The following ASB4 variants were observed in gnomAD, a reference collection of about 807,000 sequenced individuals.
ASB4 encodes ankyrin repeat and SOCS box containing 4, also known as ankyrin repeat and SOCS box protein 4.
Under a neutral mutation model 38.6 loss-of-function variants are expected in ASB4, and 35 were observed. That is an observed-to-expected ratio of 0.91 (90% CI 0.69 to 1.20). The LOEUF is 1.20. ASB4 is among the 50% of genes most tolerant of loss of function. The pLI, the probability that ASB4 is intolerant of heterozygous loss-of-function variation, is 0.00. For missense variants in ASB4, 557 were observed against 527.2 expected, an observed-to-expected ratio of 1.06 and a Z score of -0.55; for synonymous variants, 195 against 201.3, an observed-to-expected ratio of 0.97 and a Z score of 0.26.
chr7:95,486,241 T>C, intron 1 of ASB4, 83 bp downstream of exon 1: 1 of 1,040,214 alleles, frequency 9.6e-7, no homozygotes. Context: ...CTCTAAACAG[T>C]AGTTTTTATT....
At position 95,528,149 on chromosome 7, in the gene ASB4, G is replaced by A. The variant is rs1416388193; in HGVS notation, c.824G>A (p.Gly275Asp). The change falls in exon 3 of 5, where the codon GGC (glycine) becomes GAC (aspartate). Residue 275 changes from glycine to aspartate, a missense_variant. Transcript: ENST00000325885. ...HVLMHMMLEA[G>D]AEANLMDING... is the part of the protein sequence containing the mutation. ...CTCATGCACATGATGCTGGAAGCTG[G>A]CGCCGAAGCCAATCTCATGGATATC... The A allele has an allele frequency of 6.2e-7, 1 of 1,614,082 alleles. No individual in the cohort carries two copies. Among genetic ancestry groups the A allele is most frequent in the Admixed American group, 1.7e-5 (1 of 60,002 alleles).
intron 2 of ASB4, among the ~76,000 whole-genome samples, chr7:95,502,335 C>A (rs1585802177): frequency 6.6e-6 from 1 of 150,420 alleles, no homozygotes; most frequent in Non-Finnish European, 1.5e-5. Context: ...ATATGACAAA[C>A]ACATAGGGAA....
chr7:95,499,188 A>G (rs1790295182), intron 2 of ASB4, among the ~76,000 whole-genome samples: 1 of 152,158 alleles, frequency 6.6e-6, no homozygotes, highest in South Asian at 2.1e-4. Flanking sequence ...TTCAGAACAG[A>G]GCCCTGGACT....
chr7:95,531,341 A>G (rs1013017352), intron 3 of ASB4, among the ~76,000 whole-genome samples: 3 of 152,202 alleles, frequency 2.0e-5, no homozygotes, highest in African/African-American at 7.2e-5. Context: ...CCTCTGTAAT[A>G]CAGCTCACTT....
Position 95,538,719 on chromosome 7 carries a change from C to A in ASB4, c.*960C>A, listed in dbSNP as rs1188102246. ...TTCTTGGTTAGTATTAATACTTTCC[C>A]AGACTCCTTGAGAAAAATATTGCAC... On this transcript the variant is annotated 3_prime_UTR_variant, in exon 5 of 5. Transcript: ENST00000325885. The A allele has an allele frequency of 6.6e-6, 1 of 151,974 alleles. No homozygotes were observed. Among genetic ancestry groups the A allele is most frequent in the Admixed American group, 6.6e-5 (1 of 15,252 alleles). The allele number at this position is 151,974 out of a possible 1,614,324, so 9.4% of individuals were successfully genotyped here. A position where few individuals can be genotyped will look rare whatever the true frequency, so the allele number is the denominator to read the frequency against.
chr7:95,521,699 AC>A (rs1382134390), intron 2 of ASB4, among the ~76,000 whole-genome samples: 18 of 148,262 alleles, frequency 1.2e-4, no homozygotes, highest in African/African-American at 3.2e-4. Context: ...AAAAAAAAAA[AC>A]AGTTCTCTAT....
chr7:95,536,578 T>G, intron 4 of ASB4, 28 bp downstream of exon 4: 3 of 1,522,118 alleles, frequency 2.0e-6, no homozygotes, highest in Non-Finnish European at 2.7e-6. Context: ...TTCTAATAGT[T>G]TTCACTATCA....
At chr7:95,533,097 C>T (rs1199435761) in intron 3 of ASB4, among the ~76,000 whole-genome samples, 1 of 152,176 alleles carries the variant, frequency 6.6e-6, no homozygotes, top group African/African-American at 2.4e-5. Context: ...ACTTAGCTTG[C>T]TCAACCTTGG....
chr7:95,546,212 A>T, the ASB4 span, among the ~76,000 whole-genome samples: 1 of 152,162 alleles, frequency 6.6e-6, no homozygotes, highest in Non-Finnish European at 1.5e-5. Context: ...TAAGTGACTG[A>T]CTTGTAGACC....
At chr7:95,515,300 T>C (rs1320239971) in intron 2 of ASB4, among the ~76,000 whole-genome samples, 2 of 129,216 alleles carry the variant, frequency 1.5e-5, no homozygotes, top group South Asian at 2.7e-4. Flanking sequence ...TTTCTTTCTT[T>C]CTTTCTTTCT....
upstream of ASB4, among the ~76,000 whole-genome samples, chr7:95,475,842 C>G (rs769547361): frequency 6.6e-6 from 1 of 152,098 alleles, no homozygotes; most frequent in Non-Finnish European, 1.5e-5. Context: ...ATCTCTAATC[C>G]TTGCCATGAG....
chr7:95,510,173 T>C (rs570620084), intron 2 of ASB4, among the ~76,000 whole-genome samples: 31 of 152,296 alleles, frequency 2.0e-4, no homozygotes, highest in African/African-American at 7.5e-4. Flanking sequence ...GTGTGTTTAA[T>C]GAAAAGATAT....
chr7:95,499,057 A>G (rs1790293207), intron 2 of ASB4, among the ~76,000 whole-genome samples: 1 of 152,108 alleles, frequency 6.6e-6, no homozygotes, highest in Admixed American at 6.6e-5. Flanking sequence ...ACAGGTTTGT[A>G]TCAAGTCTTG....
upstream of ASB4, among the ~76,000 whole-genome samples, chr7:95,483,394 T>C (rs949887272): frequency 3.3e-5 from 5 of 152,192 alleles, no homozygotes; most frequent in African/African-American, 1.2e-4. Flanking sequence ...TGAAGCTCTC[T>C]TAGAGGGAAA....
intron 2 of ASB4, among the ~76,000 whole-genome samples, chr7:95,515,922 C>G (rs1043319486): frequency 6.6e-6 from 1 of 152,158 alleles, no homozygotes; most frequent in African/African-American, 2.4e-5. Flanking sequence ...TTCTAATAAC[C>G]CAAAGCCCCA....
intron 2 of ASB4, among the ~76,000 whole-genome samples, chr7:95,502,518 T>C (rs1444923678): frequency 1.3e-5 from 2 of 152,160 alleles, no homozygotes; most frequent in African/African-American, 4.8e-5. Flanking sequence ...GTCATTTACT[T>C]AGGGCCTCAA....
rs142799070 is a variant in ASB4, at chr7:95,518,780, A to G, written c.488-9033A>G. On this transcript the variant is annotated intron_variant, in intron 2 of 4. Transcript: ENST00000325885. ...TCATTGCCACACAATTTGACCCAGA[A>G]GGTTTAGAATTGTAAGTGCAAGTGT... 4.7e-4 allele frequency among the ~76,000 whole-genome samples: 72 copies of G among 152,296 alleles called. 1 individual carries two copies. The highest frequency in any genetic ancestry group is 1.7e-3 in the African/African-American group (70 of 41,560).
chr7:95,525,220 T>C (rs916988651), intron 2 of ASB4, among the ~76,000 whole-genome samples: 3 of 152,202 alleles, frequency 2.0e-5, no homozygotes, highest in Admixed American at 1.3e-4. Flanking sequence ...CCCTAGACAC[T>C]TTAATTTTGG....
chr7:95,548,050 A>T, the ASB4 span, among the ~76,000 whole-genome samples: 1 of 152,202 alleles, frequency 6.6e-6, no homozygotes, highest in Non-Finnish European at 1.5e-5. Flanking sequence ...TCTTGTTCAA[A>T]TCTTTTTTGT....
Sources: allele counts gnomAD v4.1 joint callset (sites outside exome capture counted in the v4.1 genomes callset), GRCh38; gene constraint gnomAD v4.1.1; transcripts MANE v1.5; gene names NCBI Gene and HGNC (gene_info 2026-07-23, HGNC 2026-07-21).